OPCML: variants seen among roughly 807,000 people sequenced by gnomAD.
The protein encoded by OPCML is opioid binding protein/cell adhesion molecule like.
OPCML carries 13 observed loss-of-function variants against 37.8 expected under a neutral mutation model. That is an observed-to-expected ratio of 0.34 (90% CI 0.22 to 0.55). The LOEUF (loss-of-function observed/expected upper bound fraction) is 0.55, where lower values mean the gene tolerates loss of function less well. Ranked by LOEUF, OPCML falls within the 20% of genes least tolerant of loss-of-function variation. The pLI is 0.91. For missense variants in OPCML, 341 were observed against 435.6 expected (o/e 0.78, Z 1.93); for synonymous variants, 176 against 168.8 (o/e 1.04, Z -0.33).
intron 1 of OPCML, among the ~76,000 whole-genome samples, chr11:133,443,471 T>C (rs1387733872): frequency 1.3e-5 from 2 of 152,182 alleles, no homozygotes; most frequent in African/African-American, 4.8e-5. Context: ...TTGGCAGAAA[T>C]AACTGTAGGC....
At chr11:132,909,346 A>T (rs1478961487) in intron 2 of OPCML, among the ~76,000 whole-genome samples, 2 of 152,230 alleles carry the variant, frequency 1.3e-5, no homozygotes, top group East Asian at 3.9e-4. Context: ...GGGTCCAAAA[A>T]TAGAAGTGGT....
chr11:132,639,761 C>A (rs936035994), intron 3 of OPCML, among the ~76,000 whole-genome samples: 1 of 152,118 alleles, frequency 6.6e-6, no homozygotes, highest in Non-Finnish European at 1.5e-5. Flanking sequence ...AGAGAGGGGA[C>A]AACAGATAAC....
At chr11:133,418,424 G>A in intron 1 of OPCML, 1 of 985,324 alleles carries the variant, frequency 1.0e-6, no homozygotes, top group Non-Finnish European at 1.2e-6. Context: ...TTTTAGAACT[G>A]AGGAAGAGGG....
intron 1 of OPCML, among the ~76,000 whole-genome samples, chr11:133,528,433 C>T (rs1221572147): frequency 6.6e-6 from 1 of 152,178 alleles, no homozygotes; most frequent in African/African-American, 2.4e-5. Context: ...CGCGTGGATT[C>T]CCCCACTAGA....
intron 2 of OPCML, among the ~76,000 whole-genome samples, chr11:132,800,763 T>C (rs1221735157): frequency 6.6e-6 from 1 of 152,232 alleles, no homozygotes. Flanking sequence ...TATTTAGTCA[T>C]GATGTATAAT....
intron 1 of OPCML, chr11:133,117,915 A>G (rs772871284): frequency 1.1e-5 from 11 of 985,264 alleles, no homozygotes; most frequent in Non-Finnish European, 1.2e-5. Flanking sequence ...ATAATATTCA[A>G]AAAGATGTTT....
intron 1 of OPCML, among the ~76,000 whole-genome samples, chr11:133,070,545 G>T (rs1366967463): frequency 6.6e-6 from 1 of 152,148 alleles, no homozygotes; most frequent in Non-Finnish European, 1.5e-5. Flanking sequence ...CTGGCTACAA[G>T]CCCTCACTCC....
At position 133,481,444 on chromosome 11, in the gene OPCML, AAAATAAAT is replaced by A. The variant is rs373209430; in HGVS notation, c.61+50812_61+50819del. On this transcript the variant is annotated intron_variant, in intron 1 of 7. Coordinates refer to ENST00000524381, the MANE Select transcript of OPCML (RefSeq NM_001012393.5). The stretch of plus-strand genomic sequence containing the variant: ...ACCATAATTCTTCTCCCCAGTTAAA[AAAATAAAT>A]AAATAAATAAATAAATAAATAAATA... Among the ~76,000 whole-genome samples, 540 of 150,210 alleles carry A rather than the reference AAAATAAAT, an allele frequency of 3.6e-3. 4 individuals are homozygous for A. The highest frequency in any genetic ancestry group is 0.012 in the African/African-American group (473 of 40,474).
chr11:132,432,721 G>A (rs1023182297), intron 7 of OPCML, among the ~76,000 whole-genome samples: 1 of 152,124 alleles, frequency 6.6e-6, no homozygotes, highest in Non-Finnish European at 1.5e-5. Flanking sequence ...GATTAAGCCA[G>A]GTATAGCCCC....
intron 3 of OPCML, among the ~76,000 whole-genome samples, chr11:132,610,095 C>T (rs1379538028): frequency 6.6e-6 from 1 of 152,158 alleles, no homozygotes; most frequent in Non-Finnish European, 1.5e-5. Context: ...ATCAAGCAAC[C>T]ATGCTTGTGC....
chr11:132,826,083 C>A (rs1011974211), intron 2 of OPCML, among the ~76,000 whole-genome samples: 1 of 152,190 alleles, frequency 6.6e-6, no homozygotes, highest in Non-Finnish European at 1.5e-5. Context: ...GTTCCATGGA[C>A]TGTATGTCCT....
chr11:133,009,070 T>C, intron 1 of OPCML: 1 of 985,410 alleles, frequency 1.0e-6, no homozygotes, highest in Non-Finnish European at 1.2e-6. Context: ...TACTTAAGTC[T>C]ACATGTATGG....
At chr11:132,500,336 A>T (rs923270795) in intron 4 of OPCML, among the ~76,000 whole-genome samples, 3 of 152,164 alleles carry the variant, frequency 2.0e-5, no homozygotes, top group Admixed American at 2.0e-4. Context: ...TATAATTTTT[A>T]CCAGAACCTG....
intron 1 of OPCML, among the ~76,000 whole-genome samples, chr11:133,493,657 G>T (rs1947715969): frequency 6.6e-6 from 1 of 151,746 alleles, no homozygotes; most frequent in African/African-American, 2.4e-5. Flanking sequence ...GGACATCATT[G>T]CAGTCATCTT....
At chr11:132,625,739 C>G (rs907187317) in intron 3 of OPCML, among the ~76,000 whole-genome samples, 6 of 152,040 alleles carry the variant, frequency 3.9e-5, no homozygotes, top group Admixed American at 3.9e-4. Flanking sequence ...TTTCTGCATA[C>G]CCAGCATCTA....
intron 1 of OPCML, among the ~76,000 whole-genome samples, chr11:132,969,602 C>A (rs1946294453): frequency 6.6e-6 from 1 of 152,146 alleles, no homozygotes; most frequent in Admixed American, 6.5e-5. Context: ...GTTCACTTTT[C>A]TTCACACTTT....
chr11:132,494,015 G>C (rs1033954216), intron 4 of OPCML, among the ~76,000 whole-genome samples: 1 of 152,192 alleles, frequency 6.6e-6, no homozygotes. Flanking sequence ...TGTGCTCCCT[G>C]TAGGGTGCCT....
At chr11:133,456,789 A>T (rs2136969571) in intron 1 of OPCML, among the ~76,000 whole-genome samples, 1 of 152,176 alleles carries the variant, frequency 6.6e-6, no homozygotes, top group South Asian at 2.1e-4. Flanking sequence ...CCAAAAAAAA[A>T]AAAAAATTCA....
intron 1 of OPCML, among the ~76,000 whole-genome samples, chr11:133,057,924 G>C (rs1214500734): frequency 6.6e-6 from 1 of 152,178 alleles, no homozygotes. Context: ...TTCTAACCCT[G>C]TACATCTGTT....
Sources: gnomAD v4.1 joint callset for allele counts (sites outside exome capture counted in the v4.1 genomes callset) on GRCh38, gnomAD v4.1.1 for gene constraint, MANE v1.5 for transcripts, NCBI Gene and HGNC (gene_info 2026-07-23, HGNC 2026-07-21) for gene names.